The following PPEF1 variants were observed in gnomAD, a reference collection of about 807,000 sequenced individuals.
The protein encoded by PPEF1 is protein phosphatase with EF-hand domain 1.
Under a neutral mutation model 53.3 loss-of-function variants are expected in PPEF1, and 12 were observed. That is an observed-to-expected ratio of 0.23 (90% CI 0.14 to 0.36). The LOEUF (loss-of-function observed/expected upper bound fraction) is 0.36, where lower values mean the gene tolerates loss of function less well. PPEF1 is among the 10% of genes least tolerant of loss of function. The probability of loss-of-function intolerance (pLI) is 1.00; values close to 1 mark genes in which losing one functional copy is unlikely to be tolerated. For missense variants in PPEF1, 334 were observed against 490.4 expected, an observed-to-expected ratio of 0.68 and a Z score of 3.01; for synonymous variants, 165 against 176.7, an observed-to-expected ratio of 0.93 and a Z score of 0.52.
intron 6 of PPEF1, among the ~76,000 whole-genome samples, chrX:18,778,679 G>T (rs2046018547): frequency 9.0e-6 from 1 of 111,470 alleles, no homozygotes; most frequent in African/African-American, 3.3e-5. Flanking sequence ...CTTTTCAGAA[G>T]AGAAGGAAGA....
chrX:18,820,408 TG>T (rs200672875), intron 13 of PPEF1, among the ~76,000 whole-genome samples: 1,354 of 106,555 alleles, frequency 0.013, 28 homozygotes, highest in African/African-American at 0.044. Flanking sequence ...TTTTTTGAGA[TG>T]GAGTCTTGCT....
At chrX:18,733,607 A>G (rs2147380598) in intron 2 of PPEF1, 141 bp from the exon 3 acceptor site, 5 of 475,482 alleles carry the variant, frequency 1.1e-5, no homozygotes, top group South Asian at 6.4e-5. Flanking sequence ...AGGCAGGCAT[A>G]GAAGTGACCC....
intron 6 of PPEF1, among the ~76,000 whole-genome samples, chrX:18,766,745 G>T (rs945011099): frequency 1.8e-5 from 2 of 112,378 alleles, no homozygotes; most frequent in Non-Finnish European, 3.8e-5. Flanking sequence ...CATAATGACA[G>T]CAATGAAAAT....
At chrX:18,690,170 C>T (rs1452312743) in intron 3 of PPEF1, among the ~76,000 whole-genome samples, 1 of 110,785 alleles carries the variant, frequency 9.0e-6, no homozygotes, top group Non-Finnish European at 1.9e-5. Context: ...AGAACAGTAC[C>T]CGGCACATAA....
chrX:18,782,343 A>G, intron 7 of PPEF1, 23 bp from the exon 8 acceptor site: 3 of 1,155,682 alleles, frequency 2.6e-6, no homozygotes, highest in Non-Finnish European at 3.5e-6. Flanking sequence ...CAATCAAATC[A>G]TTTAAATCCC....
At chrX:18,685,453 A>G (rs1399372292) in intron 2 of PPEF1, among the ~76,000 whole-genome samples, 2 of 111,517 alleles carry the variant, frequency 1.8e-5, no homozygotes, top group Non-Finnish European at 3.8e-5. Flanking sequence ...TGGGAGGCCG[A>G]GGAGGGTGGA....
At chrX:18,734,176 ACGTGC>A (rs1341984990) in intron 3 of PPEF1, among the ~76,000 whole-genome samples, 1 of 109,177 alleles carries the variant, frequency 9.2e-6, no homozygotes, top group Admixed American at 9.9e-5. Flanking sequence ...CATGTGATCA[ACGTGC>A]AGGTTTGTTA....
intron 4 of PPEF1, among the ~76,000 whole-genome samples, chrX:18,751,590 G>T (rs1158141536): frequency 1.8e-5 from 2 of 110,979 alleles, no homozygotes; most frequent in Non-Finnish European, 3.8e-5. Flanking sequence ...GAGTAGCCTG[G>T]CCAACATGAT....
chrX:18,739,918 G>A (rs1337651879), intron 3 of PPEF1, among the ~76,000 whole-genome samples: 1 of 112,456 alleles, frequency 8.9e-6, no homozygotes, highest in African/African-American at 3.2e-5. Context: ...CTCCGTGGGC[G>A]TGGGACCCTC....
chrX:18,676,353 A>C (rs769739193), intron 1 of PPEF1, among the ~76,000 whole-genome samples: 46 of 107,766 alleles, frequency 4.3e-4, no homozygotes, highest in African/African-American at 5.8e-4. Flanking sequence ...AATCCCCCCC[A>C]CACACACACC....
At position 18,727,326 on chromosome X, in the gene PPEF1, A is replaced by G. The variant is rs765662391; in HGVS notation, c.47-2855A>G. Among the ~76,000 whole-genome samples the G allele has an allele frequency of 9.0e-5, 10 of 111,328 alleles. No homozygotes were observed. In the East Asian group the frequency reaches 2.0e-3, roughly 22 times the overall value. ...CCCTGAGGCCAGAGGGTGATTCATC[A>G]TGATAGCGACTGTCCCACAGAACAG... is the stretch of plus-strand genomic sequence containing the variant. On this transcript the variant is annotated intron_variant, in intron 1 of 15. Transcript: ENST00000470157.
chrX:18,788,182 T>A (rs752916444), intron 9 of PPEF1, among the ~76,000 whole-genome samples: 2 of 106,518 alleles, frequency 1.9e-5, no homozygotes, highest in Admixed American at 2.1e-4. Context: ...CCGGGCGTGG[T>A]GGCGGGCGCC....
At chrX:18,676,553 C>T (rs1928683869) in intron 1 of PPEF1, among the ~76,000 whole-genome samples, 1 of 111,145 alleles carries the variant, frequency 9.0e-6, no homozygotes, top group Non-Finnish European at 1.9e-5. Flanking sequence ...CACGAGATGA[C>T]CAGAGTGGCC....
chrX:18,740,180 G>A (rs1220431198), intron 3 of PPEF1, among the ~76,000 whole-genome samples: 1 of 112,171 alleles, frequency 8.9e-6, no homozygotes, highest in Non-Finnish European at 1.9e-5. Context: ...GCCTCAGTTG[G>A]AAATACAGAA....
At chrX:18,730,420 CTTT>C in intron 2 of PPEF1, 112 bp downstream of exon 2, 1 of 870,537 alleles carries the variant, frequency 1.1e-6, no homozygotes, top group Non-Finnish European at 1.6e-6. Context: ...TGGTGAAAGG[CTTT>C]AATAGAGCAT....
Position 18,729,047 on chromosome X carries a change from C to G in PPEF1, c.47-1134C>G, listed in dbSNP as rs1018911146. Among the ~76,000 whole-genome samples, 5 of 112,046 alleles carry G rather than the reference C, an allele frequency of 4.5e-5. No individual in the cohort carries two copies. In the Admixed American group the frequency reaches 4.7e-4, roughly 11 times the overall value. ...ACAAGGTGGCTCAAAGGCTACCTTC[C>G]CCAGAAGAGAGACAGTCTGCCTAGA... On this transcript the variant is annotated intron_variant, in intron 1 of 15. Transcript: ENST00000470157.
At chrX:18,746,459 T>G (rs2045331325) in intron 3 of PPEF1, among the ~76,000 whole-genome samples, 1 of 112,021 alleles carries the variant, frequency 8.9e-6, no homozygotes. Context: ...TCTTTGTCAC[T>G]GAACTTTTAG....
intron 6 of PPEF1, among the ~76,000 whole-genome samples, chrX:18,771,765 T>C (rs1009600964): frequency 2.2e-4 from 25 of 111,492 alleles, no homozygotes; most frequent in Non-Finnish European, 4.0e-4. Flanking sequence ...AAACAGTTGA[T>C]GAGCACATAT....
At chrX:18,798,078 A>AT (rs757854645) in intron 10 of PPEF1, among the ~76,000 whole-genome samples, 42 of 104,844 alleles carry the variant, frequency 4.0e-4, no homozygotes, top group Middle Eastern at 9.7e-3. Flanking sequence ...CAAAATTGCA[A>AT]TTTTTTTTTT....
Sources: allele counts gnomAD v4.1 joint callset (sites outside exome capture counted in the v4.1 genomes callset), GRCh38; gene constraint gnomAD v4.1.1; transcripts MANE v1.5; gene names NCBI Gene and HGNC (gene_info 2026-07-23, HGNC 2026-07-21).